The following CYP2U1 variants were observed in gnomAD, a reference collection of about 807,000 sequenced individuals.
CYP2U1 encodes the protein cytochrome P450 2U1.
Under a neutral mutation model 42.8 loss-of-function variants are expected in CYP2U1, and 28 were observed. The ratio of observed to expected loss-of-function variants is 0.65; its 90% CI spans 0.48 to 0.90. The LOEUF (loss-of-function observed/expected upper bound fraction) is 0.90, where lower values mean the gene tolerates loss of function less well. Ranked by LOEUF, CYP2U1 falls within the 40% of genes least tolerant of loss-of-function variation. The pLI is 0.00. For missense variants in CYP2U1, 642 were observed against 693.8 expected, an observed-to-expected ratio of 0.93 and a Z score of 0.84; for synonymous variants, 296 against 278.9, an observed-to-expected ratio of 1.06 and a Z score of -0.61.
chr4:107,953,187 G>T lies in CYP2U1; in HGVS notation c.*2764G>T, dbSNP rs1733967828. ...CAAATAGTTTATAGCTTATTGAGAA[G>T]AAGTCTGTTCTTGGAGAGATGTTGA... is the stretch of plus-strand genomic sequence containing the variant. On this transcript the variant is annotated 3_prime_UTR_variant, in exon 5 of 5. Coordinates refer to ENST00000332884, the MANE Select transcript of CYP2U1 (RefSeq NM_183075.3). 3 of 152,176 alleles carry T rather than the reference G, an allele frequency of 2.0e-5. No homozygotes were observed. Among genetic ancestry groups the T allele is most frequent in the African/African-American group, 4.8e-5 (2 of 41,442 alleles). 9.4% of individuals were successfully genotyped at this position (152,176 alleles called of 1,614,324 possible). A position where few individuals can be genotyped will look rare whatever the true frequency, so the allele number is the denominator to read the frequency against.
chr4:107,935,787 C>G (rs1387806167), intron 1 of CYP2U1: 1 of 152,116 alleles, frequency 6.6e-6, no homozygotes, highest in Non-Finnish European at 1.5e-5. Flanking sequence ...GAGGACAGCT[C>G]AAACCATCTT....
Position 107,952,868 on chromosome 4 carries a change from T to C in CYP2U1, c.*2445T>C, listed in dbSNP as rs1235939335. On this transcript the variant is annotated 3_prime_UTR_variant, in exon 5 of 5. Coordinates refer to ENST00000332884, the MANE Select transcript of CYP2U1 (RefSeq NM_183075.3). ...ACTGCTCTTTTCCTTTTTAGAAATATTACTAAGCACTTTCCGTATAGATAA... is the reference window on the plus strand; with the variant it reads ...ACTGCTCTTTTCCTTTTTAGAAATACTACTAAGCACTTTCCGTATAGATAA... 1 of 152,242 alleles carries C rather than the reference T, an allele frequency of 6.6e-6. No homozygotes were observed. Among genetic ancestry groups the C allele is most frequent in the Non-Finnish European group, 1.5e-5 (1 of 68,038 alleles). The allele number at this position is 152,242 out of a possible 1,614,324, so 9.4% of individuals were successfully genotyped here. A position where few individuals can be genotyped will look rare whatever the true frequency, so the allele number is the denominator to read the frequency against.
At chr4:107,944,364 A>G (rs1462563340) in intron 1 of CYP2U1, among the ~76,000 whole-genome samples, 1 of 151,944 alleles carries the variant, frequency 6.6e-6, no homozygotes, top group Non-Finnish European at 1.5e-5. Context: ...GTGCAGTGGC[A>G]TGATCATAGT....
At chr4:107,932,252 T>G in intron 1 of CYP2U1, 119 bp downstream of exon 1, 1 of 1,437,366 alleles carries the variant, frequency 7.0e-7, no homozygotes, top group Non-Finnish European at 9.1e-7. Flanking sequence ...GCCTCACACC[T>G]GCATCCTGAA....
intron 1 of CYP2U1, among the ~76,000 whole-genome samples, chr4:107,934,853 A>G (rs113336420): frequency 0.015 from 2,220 of 152,260 alleles, 46 homozygotes; most frequent in African/African-American, 0.049. Context: ...TTTCAGTGCT[A>G]TTTTGGTCAA....
At chr4:107,948,965 A>G (rs1733812341) in intron 3 of CYP2U1, among the ~76,000 whole-genome samples, 1 of 152,144 alleles carries the variant, frequency 6.6e-6, no homozygotes, top group South Asian at 2.1e-4. Context: ...TCCTCATTAC[A>G]TTGTTATATG....
In CYP2U1 at chr4:107,931,604, C is replaced by A; in HGVS notation, c.-40C>A. 8.0e-7 allele frequency: 1 copy of A among 1,246,022 alleles called. No homozygotes were observed. Among genetic ancestry groups the A allele is most frequent in the Non-Finnish European group, 1.0e-6 (1 of 998,074 alleles). 77.2% of individuals were successfully genotyped at this position (1,246,022 alleles called of 1,614,324 possible). A position where few individuals can be genotyped will look rare whatever the true frequency, so the allele number is the denominator to read the frequency against. On this transcript the variant is annotated 5_prime_UTR_variant, in exon 1 of 5. Transcript: ENST00000332884. Reference sequence around the variant, plus strand: ...CAGGCAGCTGCGTGCGCGTCTCCTCCAGGCAGCAAGGGGAACCCGAGGCCG... The same window carrying A: ...CAGGCAGCTGCGTGCGCGTCTCCTCAAGGCAGCAAGGGGAACCCGAGGCCG...
At chr4:107,944,742 C>A (rs1286208160) in intron 1 of CYP2U1, among the ~76,000 whole-genome samples, 1 of 146,776 alleles carries the variant, frequency 6.8e-6, no homozygotes, top group Non-Finnish European at 1.5e-5. Context: ...AGAGCAAATT[C>A]TCCTTAGATA....
rs1733018732 is a variant in CYP2U1 at position 107,932,132 on chromosome 4, G to A, written c.489G>A (p.Lys163=). ...TCATCTCCATCGTGACCAAGGAGAA[G>A]GGTGAGCGGGAGGTCGTGGGCTGTG... ...VPLISIVTKE[K]GVVFAHYGPV... Residue 163 remains lysine, a splice_region_variant and synonymous_variant, in exon 1 of 5, where the codon AAG becomes AAA. Transcript: ENST00000332884. The A allele has an allele frequency of 1.2e-6, 2 of 1,602,834 alleles. No homozygotes were observed. The highest frequency in any genetic ancestry group is 8.5e-7 in the Non-Finnish European group (1 of 1,175,674).
At position 107,931,812 on chromosome 4, in the gene CYP2U1, C is replaced by T; in HGVS notation, c.169C>T (p.Arg57Trp). The change falls in exon 1 of 5, where the codon CGG becomes TGG. Residue 57 changes from arginine (R) to tryptophan (W), a missense_variant. Coordinates refer to ENST00000332884, the MANE Select transcript of CYP2U1 (RefSeq NM_183075.3). ...GAGCTGGCTGCGGAGGCGCCGGGCG[C>T]GGGGCATCCCGCCCGGGCCCACGCC... is the stretch of plus-strand genomic sequence containing the variant. ...GWSWLRRRRA[R>W]GIPPGPTPWP... 6.6e-7 allele frequency: 1 copy of T among 1,519,782 alleles called. No homozygotes were observed. Among genetic ancestry groups the T allele is most frequent in the Non-Finnish European group, 8.8e-7 (1 of 1,133,806 alleles). The allele number at this position is 1,519,782 out of a possible 1,614,324, so 94.1% of individuals were successfully genotyped here.
chr4:107,949,088 A>G (rs1733816764), intron 3 of CYP2U1, among the ~76,000 whole-genome samples: 1 of 151,908 alleles, frequency 6.6e-6, no homozygotes, highest in Non-Finnish European at 1.5e-5. Flanking sequence ...TCTTCATTGT[A>G]ATGTTTTTAT....
chr4:107,937,069 G>A lies in CYP2U1; in HGVS notation c.490+4936G>A, dbSNP rs1050008891. Reference sequence around the variant, plus strand: ...TGACTCTTAAAACCTGATATGGCTCGGATAATATCACTGGAGACTTGGAGC... The same window carrying A: ...TGACTCTTAAAACCTGATATGGCTCAGATAATATCACTGGAGACTTGGAGC... On this transcript the variant is annotated intron_variant, in intron 1 of 4. Transcript: ENST00000332884. Among the ~76,000 whole-genome samples the A allele has an allele frequency of 5.3e-5, 8 of 152,036 alleles. No homozygotes were observed. In the East Asian group the frequency reaches 1.2e-3, roughly 22 times the overall value.
At position 107,950,257 on chromosome 4, in the gene CYP2U1, G is replaced by A. The variant is rs1468917268; in HGVS notation, c.1469G>A (p.Cys490Tyr). The part of the protein sequence containing the change: ...FIPFGIGKRV[C>Y]MGEQLAKMEL... ...ATCTCATTTTTAGGGAAGCGGGTGT[G>A]TATGGGAGAACAACTGGCAAAGATG... Residue 490 changes from cysteine (C) to tyrosine (Y), a missense_variant, in exon 5 of 5, where the codon TGT becomes TAT. Physicochemically the swap from Cys to Tyr is radical, Grantham distance 194 (BLOSUM62 -2). Coordinates refer to ENST00000332884, the MANE Select transcript of CYP2U1 (RefSeq NM_183075.3). 1 of 1,612,014 alleles carries A rather than the reference G, an allele frequency of 6.2e-7. No homozygotes were observed. The highest frequency in any genetic ancestry group is 8.5e-7 in the Non-Finnish European group (1 of 1,179,106).
chr4:107,934,952 A>T lies in CYP2U1; in HGVS notation c.490+2819A>T, dbSNP rs147380997. The stretch of plus-strand genomic sequence containing the variant: ...TAGCCTATGACCACTCCCACCTCTC[A>T]ACGGAATGTGAGTTTCTTTAGGGCA... On this transcript the variant is annotated intron_variant, in intron 1 of 4. Coordinates refer to ENST00000332884, the MANE Select transcript of CYP2U1 (RefSeq NM_183075.3). Among the ~76,000 whole-genome samples the T allele has an allele frequency of 7.2e-3, 1,093 of 152,262 alleles. 15 individuals are homozygous for T. The highest frequency in any genetic ancestry group is 0.025 in the African/African-American group (1,043 of 41,568).
At chr4:107,935,907 A>G (rs1733244352) in intron 1 of CYP2U1, 1 of 152,234 alleles carries the variant, frequency 6.6e-6, no homozygotes, top group African/African-American at 2.4e-5. Context: ...CAATAACATT[A>G]TTGAATATTT....
At position 107,950,546 on chromosome 4, in the gene CYP2U1, C is replaced by T. The variant is rs866680080; in HGVS notation, c.*123C>T. On this transcript the variant is annotated 3_prime_UTR_variant, in exon 5 of 5. Transcript: ENST00000332884. ...GTGGATCCAAGCTGGGCTCAGAGGT[C>T]GGAAGGAGGGTAGAGCACACTGGGA... The T allele has an allele frequency of 6.5e-6, 7 of 1,072,280 alleles. No individual in the cohort carries two copies. The highest frequency in any genetic ancestry group is 2.7e-4 in the Middle Eastern group (1 of 3,744). 66.4% of individuals were successfully genotyped at this position (1,072,280 alleles called of 1,614,324 possible). A position where few individuals can be genotyped will look rare whatever the true frequency, so the allele number is the denominator to read the frequency against.
intron 3 of CYP2U1, 104 bp downstream of exon 3, chr4:107,947,641 C>G: frequency 8.8e-7 from 1 of 1,142,256 alleles, no homozygotes; most frequent in Non-Finnish European, 1.3e-6. Flanking sequence ...TAGCTTGATC[C>G]TTCTGAAGAT....
At chr4:107,940,293 C>G (rs1282027334) in intron 1 of CYP2U1, 1 of 151,684 alleles carries the variant, frequency 6.6e-6, no homozygotes, top group Non-Finnish European at 1.5e-5. Flanking sequence ...CACTGTGTTG[C>G]CAAGGTGGTC....
In CYP2U1 at chr4:107,932,123, C is replaced by A. The variant is rs766399892; in HGVS notation, c.480C>A (p.Thr160=). The change falls in exon 1 of 5, where the codon ACC becomes ACA. Residue 160 remains threonine, a synonymous_variant. Transcript: ENST00000332884. Reference sequence around the variant, plus strand: ...GGGTGCCGCTCATCTCCATCGTGACCAAGGAGAAGGGTGAGCGGGAGGTCG... The same window carrying A: ...GGGTGCCGCTCATCTCCATCGTGACAAAGGAGAAGGGTGAGCGGGAGGTCG... ...RPRVPLISIV[T]KEKGVVFAHY... is the part of the protein sequence containing the mutation. The A allele has an allele frequency of 1.2e-6, 2 of 1,604,276 alleles. No individual in the cohort carries two copies. Among genetic ancestry groups the A allele is most frequent in the Non-Finnish European group, 1.7e-6 (2 of 1,176,332 alleles).
Sources: allele counts gnomAD v4.1 joint callset (sites outside exome capture counted in the v4.1 genomes callset), GRCh38; gene constraint gnomAD v4.1.1; transcripts MANE v1.5; gene names NCBI Gene and HGNC (gene_info 2026-07-23, HGNC 2026-07-21).